Variants in TMEM178B observed in about 807,000 individuals in gnomAD.
TMEM178B encodes the protein transmembrane protein 178B.
In TMEM178B, 5 loss-of-function variants were observed where a neutral mutation model predicts 31.0. That is an observed-to-expected ratio of 0.16 (90% CI 0.08 to 0.34). TMEM178B has a LOEUF of 0.34. Among genes scored for constraint, TMEM178B ranks in the 10% least tolerant of loss-of-function variants. The pLI is 1.00. For missense variants in TMEM178B, 275 were observed against 400.3 expected (o/e 0.69, Z 2.67); for synonymous variants, 164 against 164.0 (o/e 1.00, Z 0.00).
intron 1 of TMEM178B, among the ~76,000 whole-genome samples, chr7:141,153,032 C>T (rs1796003603): frequency 6.6e-6 from 1 of 152,104 alleles, no homozygotes; most frequent in African/African-American, 2.4e-5. Flanking sequence ...AATCGTGGAA[C>T]CAAAAATTAA....
chr7:141,431,954 C>A (rs1450537355), intron 2 of TMEM178B, among the ~76,000 whole-genome samples: 1 of 152,096 alleles, frequency 6.6e-6, no homozygotes, highest in Non-Finnish European at 1.5e-5. Flanking sequence ...GGCAGAGAAG[C>A]AATCAGGACT....
intron 2 of TMEM178B, among the ~76,000 whole-genome samples, chr7:141,215,017 G>A (rs926168305): frequency 2.0e-5 from 3 of 152,098 alleles, no homozygotes; most frequent in Non-Finnish European, 4.4e-5. Flanking sequence ...TAGCCAGAGG[G>A]CAGGTGAGCA....
intron 2 of TMEM178B, among the ~76,000 whole-genome samples, chr7:141,330,482 T>C (rs1415594973): frequency 6.6e-6 from 1 of 152,226 alleles, no homozygotes; most frequent in Non-Finnish European, 1.5e-5. Context: ...TGTATAGTAT[T>C]CCATGGTGTA....
chr7:141,382,697 A>T (rs1800340122), intron 2 of TMEM178B, among the ~76,000 whole-genome samples: 1 of 152,212 alleles, frequency 6.6e-6, no homozygotes, highest in African/African-American at 2.4e-5. Context: ...TTAAAAAATA[A>T]TCACTTTATG....
At chr7:141,505,364 T>A in the TMEM178B span, among the ~76,000 whole-genome samples, 1 of 152,248 alleles carries the variant, frequency 6.6e-6, no homozygotes, top group East Asian at 1.9e-4. Context: ...TCTTTCCCAT[T>A]TATTTTAATT....
intron 3 of TMEM178B, among the ~76,000 whole-genome samples, chr7:141,449,326 T>A (rs2116699626): frequency 6.6e-6 from 1 of 152,184 alleles, no homozygotes; most frequent in South Asian, 2.1e-4. Context: ...AAAGAGGAGT[T>A]TTCTCTCTCC....
intron 1 of TMEM178B, among the ~76,000 whole-genome samples, chr7:141,093,128 TC>T (rs983407450): frequency 5.3e-5 from 8 of 152,096 alleles, no homozygotes; most frequent in Admixed American, 3.9e-4. Flanking sequence ...CTCAAAAGGA[TC>T]CCTTGGGTAG....
chr7:141,245,145 G>A (rs1490928896), intron 2 of TMEM178B, among the ~76,000 whole-genome samples: 1 of 113,112 alleles, frequency 8.8e-6, no homozygotes, highest in Admixed American at 1.1e-4. Context: ...ACTCCAGCCT[G>A]GGTGACAGAG....
intron 2 of TMEM178B, among the ~76,000 whole-genome samples, chr7:141,227,325 C>T (rs1474472332): frequency 6.6e-5 from 10 of 152,232 alleles, no homozygotes; most frequent in Non-Finnish European, 1.3e-4. Flanking sequence ...GTTTCTCTCA[C>T]TTACCAGACA....
chr7:141,269,087 AT>A (rs1798138911), intron 2 of TMEM178B, among the ~76,000 whole-genome samples: 1 of 135,116 alleles, frequency 7.4e-6, no homozygotes, highest in Non-Finnish European at 1.6e-5. Flanking sequence ...TTGTTTCCTA[AT>A]TTTTTTTCTT....
chr7:141,080,975 T>C (rs118136759), intron 1 of TMEM178B, among the ~76,000 whole-genome samples: 380 of 152,332 alleles, frequency 2.5e-3, no homozygotes, highest in Non-Finnish European at 4.8e-3. Flanking sequence ...TATGTAATAC[T>C]TGATAATAAA....
At chr7:141,349,401 A>C (rs969401352) in intron 2 of TMEM178B, among the ~76,000 whole-genome samples, 3 of 152,146 alleles carry the variant, frequency 2.0e-5, no homozygotes, top group African/African-American at 7.2e-5. Context: ...ATAGACAGGA[A>C]AGGGGCCCAG....
intron 2 of TMEM178B, among the ~76,000 whole-genome samples, chr7:141,321,734 C>A (rs1799101953): frequency 6.6e-6 from 1 of 152,054 alleles, no homozygotes; most frequent in Admixed American, 6.5e-5. Context: ...TCAATCTTGG[C>A]AGCCCATTGG....
chr7:141,229,723 G>A (rs1797410857), intron 2 of TMEM178B, among the ~76,000 whole-genome samples: 1 of 151,888 alleles, frequency 6.6e-6, no homozygotes, highest in African/African-American at 2.4e-5. Context: ...AGGAATTTCA[G>A]ACCAGCCTGG....
intron 2 of TMEM178B, among the ~76,000 whole-genome samples, chr7:141,383,560 G>C (rs528866470): frequency 1.1e-4 from 17 of 152,004 alleles, no homozygotes; most frequent in Non-Finnish European, 2.4e-4. Flanking sequence ...ATCCTTTTTT[G>C]TGGCTGCATA....
At chr7:141,445,863 C>T (rs1205355960) in intron 3 of TMEM178B, among the ~76,000 whole-genome samples, 2 of 152,312 alleles carry the variant, frequency 1.3e-5, no homozygotes, top group African/African-American at 2.4e-5. Context: ...TGTGAGATTT[C>T]ACTAGAACAT....
rs545754626 is a variant in TMEM178B at position 141,182,754 on chromosome 7, G to T, written c.383-29837G>T. On this transcript the variant is annotated intron_variant, in intron 1 of 3. Transcript: ENST00000565468. ...TACTGTTCTTGTGGTGGTGAATAAC[G>T]CTCATGAGATCTGATGGTTTTGTAA... 1.4e-4 allele frequency among the ~76,000 whole-genome samples: 22 copies of T among 152,278 alleles called. 1 individual carries two copies. In the South Asian group the frequency reaches 4.6e-3, roughly 32 times the overall value.
At chr7:141,105,324 G>A (rs1450683523) in intron 1 of TMEM178B, among the ~76,000 whole-genome samples, 3 of 151,868 alleles carry the variant, frequency 2.0e-5, no homozygotes, top group Non-Finnish European at 2.9e-5. Context: ...CCTGGCCAAC[G>A]TGGTGAAACC....
intron 1 of TMEM178B, among the ~76,000 whole-genome samples, chr7:141,109,123 A>G (rs1192615787): frequency 6.6e-6 from 1 of 152,174 alleles, no homozygotes; most frequent in Non-Finnish European, 1.5e-5. Context: ...ACATGTGGGA[A>G]TTATGGGAGT....
Sources: allele counts gnomAD v4.1 joint callset (sites outside exome capture counted in the v4.1 genomes callset), GRCh38; gene constraint gnomAD v4.1.1; transcripts MANE v1.5; gene names NCBI Gene and HGNC (gene_info 2026-07-23, HGNC 2026-07-21).